Variants in CEP295 observed in about 807,000 individuals in gnomAD.
CEP295 encodes the protein centrosomal protein 295.
A neutral mutation model predicts 291.6 loss-of-function variants in CEP295; 190 were observed. That is an observed-to-expected ratio of 0.65 (90% confidence interval 0.58 to 0.73). The LOEUF is 0.73. CEP295 is among the 30% of genes least tolerant of loss of function. The probability of loss-of-function intolerance (pLI) is 0.00; values close to 1 mark genes in which losing one functional copy is unlikely to be tolerated. For synonymous variants in CEP295, 993 were observed against 1,038.8 expected (o/e 0.96, Z 0.85); for missense variants, 2,863 against 2,949.4 (o/e 0.97, Z 0.68).
intron 12 of CEP295, among the ~76,000 whole-genome samples, chr11:93,694,363 T>A (rs1216002059): frequency 6.6e-6 from 1 of 152,198 alleles, no homozygotes; most frequent in African/African-American, 2.4e-5. Flanking sequence ...GTATATACTA[T>A]GGGTGAATTT....
At chr11:93,728,527 AATCTG>A (rs1937723275) in intron 24 of CEP295, 149 bp from the exon 25 acceptor site, 2 of 558,118 alleles carry the variant, frequency 3.6e-6, no homozygotes, top group African/African-American at 2.0e-5. Flanking sequence ...AGCCTAAGGA[AATCTG>A]ATCTGTTGGT....
Position 93,722,028 on chromosome 11 carries a change from A to G in CEP295, c.5925A>G (p.Thr1975=). 6.4e-7 allele frequency: 1 copy of G among 1,557,192 alleles called. No homozygotes were observed. Among genetic ancestry groups the G allele is most frequent in the Non-Finnish European group, 8.7e-7 (1 of 1,147,824 alleles). ...STGSLLSYEN[T]DLSLTDPESF... ...GGAGCCTTTTAAGTTATGAAAACAC[A>G]GATTTGAGCCTTACAGATCCAGGTA... Residue 1975 remains threonine, a synonymous_variant, in exon 20 of 30, where the codon ACA becomes ACG. Coordinates refer to ENST00000325212, the MANE Select transcript of CEP295 (RefSeq NM_033395.2).
rs1265629382 is a variant in CEP295 at position 93,699,797 on chromosome 11, CAA to C, written c.4887_4888del (p.Arg1630LysfsTer6). ...KPQEELSLNK[Q>X]RKLNKSESAE... ...CCAGGAAGAACTGTCTTTAAACAAA[CAA>C]AGAAAGTTGAACAAAAGTGAATCTG... is the stretch of plus-strand genomic sequence containing the variant. On this transcript the variant is annotated frameshift_variant, in exon 15 of 30. Coordinates refer to ENST00000325212, the MANE Select transcript of CEP295 (RefSeq NM_033395.2). LOFTEE classifies it high-confidence loss of function. 1 of 1,552,174 alleles carries C rather than the reference CAA, an allele frequency of 6.4e-7. No individual in the cohort carries two copies. The highest frequency in any genetic ancestry group is 8.7e-7 in the Non-Finnish European group (1 of 1,147,074).
chr11:93,695,829 G>A (rs1293651363), intron 13 of CEP295, among the ~76,000 whole-genome samples, 195 bp downstream of exon 13: 3 of 152,144 alleles, frequency 2.0e-5, no homozygotes, highest in African/African-American at 7.2e-5. Flanking sequence ...TGGCCAATGT[G>A]GTGAAACCCC....
intron 3 of CEP295, 111 bp downstream of exon 3, chr11:93,667,918 G>A (rs1950262173): frequency 7.9e-6 from 6 of 760,140 alleles, no homozygotes; most frequent in Non-Finnish European, 1.0e-5. Flanking sequence ...AATTTCTTTG[G>A]GGCAGCTTGA....
rs950737352 is a variant in CEP295 at position 93,687,627 on chromosome 11, C to T, written c.1115-17C>T. On this transcript the variant is annotated splice_polypyrimidine_tract_variant and intron_variant, in intron 9 of 29. Coordinates refer to ENST00000325212, the MANE Select transcript of CEP295 (RefSeq NM_033395.2). ...AATAGATGCTAAATAAGTTTTTTCC[C>T]TTTTTCTTTCTTTTAGTTCCCTTGG... 6 of 1,400,730 alleles carry T rather than the reference C, an allele frequency of 4.3e-6. No individual in the cohort carries two copies. Among genetic ancestry groups the T allele is most frequent in the African/African-American group, 1.5e-5 (1 of 68,816 alleles). 86.8% of individuals were successfully genotyped at this position (1,400,730 alleles called of 1,614,324 possible). A position where few individuals can be genotyped will look rare whatever the true frequency, so the allele number is the denominator to read the frequency against.
At chr11:93,724,477 A>G in intron 22 of CEP295, 102 bp downstream of exon 22, 1 of 1,189,624 alleles carries the variant, frequency 8.4e-7, no homozygotes, top group Non-Finnish European at 1.2e-6. Flanking sequence ...ACCTAGAATC[A>G]CATGGAAGTC....
Position 93,729,630 on chromosome 11 carries a change from T to TAC in CEP295, c.7419_7420dup (p.Pro2474HisfsTer12). The stretch of plus-strand genomic sequence containing the variant: ...CCCCAGCAGAAACCCCTCGCAGGCT[T>TAC]ACACCTGTACCAGGGAGCTTACAAG... On this transcript the variant is annotated frameshift_variant, in exon 27 of 30. Transcript: ENST00000325212. LOFTEE classifies it high-confidence loss of function. The TAC allele has an allele frequency of 6.4e-7, 1 of 1,550,526 alleles. No individual in the cohort carries two copies. Among genetic ancestry groups the TAC allele is most frequent in the Non-Finnish European group, 8.7e-7 (1 of 1,146,722 alleles).
rs1226233829 is a variant in CEP295, at chr11:93,699,648, A to G, written c.4736A>G (p.His1579Arg). 8 of 1,551,552 alleles carry G rather than the reference A, an allele frequency of 5.2e-6. No homozygotes were observed. Among genetic ancestry groups the G allele is most frequent in the African/African-American group, 1.4e-5 (1 of 73,060 alleles). Residue 1579 changes from histidine to arginine, a missense_variant, in exon 15 of 30, where the codon CAT becomes CGT. By Grantham distance (29) the His-to-Arg change is conservative (BLOSUM62 0). This residue lies in a region of CEP295 where 2,295 missense variants were observed against 2,335.7 expected (regional missense o/e 0.98). Transcript: ENST00000325212. ...TKSNDTLPSS[H>R]REIPRLQDRL... ...AGTAATGATACTCTTCCCTCAAGTCATCGTGAGATTCCAAGATTACAGGAT... is the reference window on the plus strand; with the variant it reads ...AGTAATGATACTCTTCCCTCAAGTCGTCGTGAGATTCCAAGATTACAGGAT...
At chr11:93,691,826 T>C (rs1447324847) in intron 11 of CEP295, 51 bp downstream of exon 11, 2 of 1,335,214 alleles carry the variant, frequency 1.5e-6, no homozygotes, top group African/African-American at 3.0e-5. Flanking sequence ...TTGCATCTTT[T>C]TTTTAAATAA....
intron 18 of CEP295, among the ~76,000 whole-genome samples, chr11:93,709,414 A>G (rs1056943531): frequency 6.6e-6 from 1 of 152,150 alleles, no homozygotes; most frequent in Non-Finnish European, 1.5e-5. Flanking sequence ...CTATTCCCCC[A>G]TGTACGTTCT....
chr11:93,729,571 A>C, intron 26 of CEP295, 41 bp downstream of exon 26: 5 of 1,548,256 alleles, frequency 3.2e-6, no homozygotes, highest in Non-Finnish European at 4.4e-6. Flanking sequence ...TGGAAAGTAG[A>C]TACTTTGCCT....
At chr11:93,729,149 C>T (rs1937929676) in intron 25 of CEP295, 1 of 500,296 alleles carries the variant, frequency 2.0e-6, no homozygotes, top group East Asian at 3.2e-5. Context: ...GGTAATTTTA[C>T]TAGGGGAGTA....
At position 93,698,916 on chromosome 11, in the gene CEP295, A is replaced by G. The variant is rs1951990449; in HGVS notation, c.4004A>G (p.Asp1335Gly). Residue 1335 changes from aspartate (D) to glycine (G), a missense_variant, in exon 15 of 30, where the codon GAT becomes GGT. Around this residue, in one of 3 missense-constraint regions of CEP295, gnomAD observed 2,295 missense variants for 2,335.7 expected, o/e 0.98. Transcript: ENST00000325212. Reference protein sequence around the residue: ...SSHLQIPQLQDRLLRISQLIQ... With the variant: ...SSHLQIPQLQGRLLRISQLIQ... ...CACCTTCAGATCCCACAATTGCAGG[A>G]TAGGCTTTTGAGGATATCGCAACTT... 1.3e-6 allele frequency: 2 copies of G among 1,551,554 alleles called. No individual in the cohort carries two copies. The highest frequency in any genetic ancestry group is 2.7e-5 in the African/African-American group (2 of 73,062).
rs1274555594 is a variant in CEP295, at chr11:93,702,544, G to C, written c.5359G>C (p.Ala1787Pro). 12 of 1,551,092 alleles carry C rather than the reference G, an allele frequency of 7.7e-6. No homozygotes were observed. In the South Asian group the frequency reaches 1.4e-4, roughly 18 times the overall value. The change falls in exon 16 of 30, where the codon GCA becomes CCA. Residue 1787 changes from alanine (A) to proline (P), a missense_variant. By Grantham distance (27) the Ala-to-Pro change is conservative (BLOSUM62 -1). Around this residue, in one of 3 missense-constraint regions of CEP295, gnomAD observed 2,295 missense variants for 2,335.7 expected, o/e 0.98. Coordinates refer to ENST00000325212, the MANE Select transcript of CEP295 (RefSeq NM_033395.2). ...CTGGTTTCCTAATACACAAGACCTAGCAGGAAATGATCAAGAAAATATTAG... is the reference window on the plus strand; with the variant it reads ...CTGGTTTCCTAATACACAAGACCTACCAGGAAATGATCAAGAAAATATTAG... ...RDWFPNTQDLAGNDQENIRHA... is the reference protein window; with the variant it reads ...RDWFPNTQDLPGNDQENIRHA...
chr11:93,664,864 A>G (rs566578254), intron 1 of CEP295, among the ~76,000 whole-genome samples: 1 of 152,316 alleles, frequency 6.6e-6, no homozygotes, highest in South Asian at 2.1e-4. Flanking sequence ...GTTATTTATT[A>G]AATTTAATTG....
At chr11:93,672,637 G>T (rs1458787442) in intron 5 of CEP295, among the ~76,000 whole-genome samples, 1 of 152,134 alleles carries the variant, frequency 6.6e-6, no homozygotes, top group East Asian at 1.9e-4. Context: ...AGGTACTCCA[G>T]AGTAGAAAGC....
intron 2 of CEP295, 95 bp from the exon 3 acceptor site, chr11:93,667,512 A>T: frequency 1.2e-6 from 1 of 823,932 alleles, no homozygotes; most frequent in Non-Finnish European, 1.9e-6. Context: ...TGACAGACTT[A>T]AGAGAATTCA....
chr11:93,689,138 G>T (rs570408440), intron 10 of CEP295, among the ~76,000 whole-genome samples: 1 of 152,242 alleles, frequency 6.6e-6, no homozygotes, highest in East Asian at 1.9e-4. Flanking sequence ...TCTTGTAGTA[G>T]CCTGCTATCA....
Sources: allele counts gnomAD v4.1 joint callset (sites outside exome capture counted in the v4.1 genomes callset), GRCh38; gene constraint gnomAD v4.1.1; regional missense constraint gnomAD v4.1.1; transcripts MANE v1.5; gene names NCBI Gene and HGNC (gene_info 2026-07-23, HGNC 2026-07-21).